KCNH7: variants seen among roughly 807,000 people sequenced by gnomAD.
The protein encoded by KCNH7 is voltage-gated inwardly rectifying potassium channel KCNH7.
In KCNH7, 49 loss-of-function variants were observed where a neutral mutation model predicts 120.8. The ratio of observed to expected loss-of-function variants is 0.41; its 90% CI spans 0.32 to 0.51. The LOEUF (loss-of-function observed/expected upper bound fraction) is 0.51, where lower values mean the gene tolerates loss of function less well. KCNH7 is among the 20% of genes least tolerant of loss of function. The pLI is 0.38. For missense variants in KCNH7, 1,097 were observed against 1,446.6 expected, an observed-to-expected ratio of 0.76 and a Z score of 3.92; for synonymous variants, 547 against 516.1, an observed-to-expected ratio of 1.06 and a Z score of -0.81.
At chr2:162,546,232 T>G (rs1395361621) in intron 2 of KCNH7, among the ~76,000 whole-genome samples, 1 of 152,172 alleles carries the variant, frequency 6.6e-6, no homozygotes, top group Non-Finnish European at 1.5e-5. Flanking sequence ...CGATTTGCGG[T>G]GCTGCACTCA....
At chr2:162,702,490 T>G (rs1001129839) in intron 2 of KCNH7, among the ~76,000 whole-genome samples, 1 of 152,184 alleles carries the variant, frequency 6.6e-6, no homozygotes, top group African/African-American at 2.4e-5. Flanking sequence ...TCAAATGTTA[T>G]TACTCATCAT....
chr2:162,611,815 A>G (rs1682976608), intron 2 of KCNH7, among the ~76,000 whole-genome samples: 1 of 152,170 alleles, frequency 6.6e-6, no homozygotes, highest in Admixed American at 6.5e-5. Context: ...TCTAGATATT[A>G]CTGCTAAACT....
intron 2 of KCNH7, among the ~76,000 whole-genome samples, chr2:162,564,210 T>C (rs1321817916): frequency 6.6e-6 from 1 of 152,108 alleles, no homozygotes; most frequent in East Asian, 1.9e-4. Flanking sequence ...TTAATATTTA[T>C]TATTAAAAAA....
chr2:162,473,425 G>A (rs920211686), intron 6 of KCNH7, among the ~76,000 whole-genome samples: 3 of 152,076 alleles, frequency 2.0e-5, no homozygotes, highest in Admixed American at 2.0e-4. Context: ...CTGCATATGA[G>A]GAGAAACATG....
intron 6 of KCNH7, among the ~76,000 whole-genome samples, chr2:162,496,579 A>G: frequency 6.6e-6 from 1 of 151,718 alleles, no homozygotes. Flanking sequence ...AAAAAATTCT[A>G]CTCCACTCAT....
At chr2:162,674,972 C>T in intron 2 of KCNH7, among the ~76,000 whole-genome samples, 1 of 151,480 alleles carries the variant, frequency 6.6e-6, no homozygotes, top group East Asian at 1.9e-4. Context: ...TTATAATACA[C>T]ACCTTTTATT....
Position 162,480,111 on chromosome 2 carries a change from A to ATGGAGT in KCNH7, c.1128+24326_1128+24331dup, listed in dbSNP as rs1329896710. Among the ~76,000 whole-genome samples the ATGGAGT allele has an allele frequency of 3.3e-5, 5 of 152,106 alleles. No homozygotes were observed. The East Asian group carries it at 9.6e-4, about 29-fold the overall frequency. ...CAAGCATTAGATTATGCTATAAAAA[A>ATGGAGT]TGGAGTTCAGGTTACTTACTTTAAG... On this transcript the variant is annotated intron_variant, in intron 6 of 15. Coordinates refer to ENST00000332142, the MANE Select transcript of KCNH7 (RefSeq NM_033272.4).
At chr2:162,739,565 C>T (rs1688047506) in intron 2 of KCNH7, among the ~76,000 whole-genome samples, 1 of 152,264 alleles carries the variant, frequency 6.6e-6, no homozygotes, top group South Asian at 2.1e-4. Context: ...CCAGGTCCTA[C>T]ATGGGGCCCA....
At chr2:162,734,399 T>G (rs1194907583) in intron 2 of KCNH7, among the ~76,000 whole-genome samples, 2 of 152,144 alleles carry the variant, frequency 1.3e-5, no homozygotes, top group Admixed American at 1.3e-4. Flanking sequence ...TAATGAGAAA[T>G]TATAGTGATC....
chr2:162,782,864 C>A (rs976051399), intron 2 of KCNH7, among the ~76,000 whole-genome samples: 1 of 152,170 alleles, frequency 6.6e-6, no homozygotes, highest in African/African-American at 2.4e-5. Context: ...TTCTCGAAAT[C>A]TCCTCCCCTT....
intron 2 of KCNH7, among the ~76,000 whole-genome samples, chr2:162,714,312 T>C (rs1687034111): frequency 6.6e-6 from 1 of 152,118 alleles, no homozygotes; most frequent in African/African-American, 2.4e-5. Context: ...CTAAGACTCA[T>C]ATCAGTTAAT....
chr2:162,408,125 C>T (rs927539318), intron 9 of KCNH7, among the ~76,000 whole-genome samples: 2 of 151,974 alleles, frequency 1.3e-5, no homozygotes, highest in African/African-American at 2.4e-5. Context: ...CATTTTGACT[C>T]GCCATTGCTG....
chr2:162,672,748 A>G (rs1685402558), intron 2 of KCNH7, among the ~76,000 whole-genome samples: 3 of 151,986 alleles, frequency 2.0e-5, no homozygotes, highest in East Asian at 3.8e-4. Flanking sequence ...GAATTACTAC[A>G]CAGAATATTA....
chr2:162,611,097 A>C (rs1682948020), intron 2 of KCNH7, among the ~76,000 whole-genome samples: 1 of 152,204 alleles, frequency 6.6e-6, no homozygotes, highest in African/African-American at 2.4e-5. Context: ...ATGTGGTTTA[A>C]GTTTTCCAAA....
intron 6 of KCNH7, among the ~76,000 whole-genome samples, chr2:162,469,537 GT>G (rs1689424489): frequency 6.6e-6 from 1 of 152,152 alleles, no homozygotes; most frequent in Non-Finnish European, 1.5e-5. Flanking sequence ...GTTTTTGTTT[GT>G]TTTCAGTTGG....
At chr2:162,695,370 A>G (rs1686253772) in intron 2 of KCNH7, among the ~76,000 whole-genome samples, 1 of 152,136 alleles carries the variant, frequency 6.6e-6, no homozygotes, top group Non-Finnish European at 1.5e-5. Flanking sequence ...ATTTGCCCAA[A>G]TCCCAACATC....
At chr2:162,763,491 G>C (rs1287335484) in intron 2 of KCNH7, among the ~76,000 whole-genome samples, 1 of 152,178 alleles carries the variant, frequency 6.6e-6, no homozygotes, top group South Asian at 2.1e-4. Context: ...TCTAGTTTCT[G>C]TCACCATGCT....
intron 2 of KCNH7, among the ~76,000 whole-genome samples, chr2:162,614,933 A>G (rs1463242698): frequency 1.3e-5 from 2 of 152,048 alleles, no homozygotes; most frequent in African/African-American, 4.8e-5. Flanking sequence ...AAAATATTTC[A>G]TTATTTAAAA....
chr2:162,821,000 T>G (rs1425979980), intron 2 of KCNH7, among the ~76,000 whole-genome samples: 1 of 152,196 alleles, frequency 6.6e-6, no homozygotes, highest in African/African-American at 2.4e-5. Context: ...GTGTCCCTCC[T>G]ACTTAATAAA....
Sources: gnomAD v4.1 joint callset for allele counts (sites outside exome capture counted in the v4.1 genomes callset) on GRCh38, gnomAD v4.1.1 for gene constraint, MANE v1.5 for transcripts, NCBI Gene and HGNC (gene_info 2026-07-23, HGNC 2026-07-21) for gene names.